RALGPS2: variants seen among roughly 807,000 people sequenced by gnomAD.
RALGPS2 encodes ras-specific guanine nucleotide-releasing factor RalGPS2.
RALGPS2 carries 43 observed loss-of-function variants against 86.8 expected under a neutral mutation model. The observed-to-expected ratio is 0.50, with a 90% CI of 0.39 to 0.64. The LOEUF is 0.64. Ranked by LOEUF, RALGPS2 falls within the 30% of genes least tolerant of loss-of-function variation. The pLI is 0.00. For synonymous variants in RALGPS2, 243 were observed against 231.3 expected, an observed-to-expected ratio of 1.05 and a Z score of -0.46; for missense variants, 536 against 694.6, an observed-to-expected ratio of 0.77 and a Z score of 2.57.
Position 178,893,960 on chromosome 1 carries a change from G to A in RALGPS2, c.1367G>A (p.Gly456Glu), listed in dbSNP as rs1558174987. Residue 456 changes from glycine to glutamate, a missense_variant, in exon 16 of 20, where the codon GGA (glycine) becomes GAA (glutamate). By Grantham distance (98) the Gly-to-Glu change is moderately conservative (BLOSUM62 -2). Coordinates refer to ENST00000367635, the MANE Select transcript of RALGPS2 (RefSeq NM_152663.5). ...GATTTGGCAGTACATTTATATCCAG[G>A]AGCTGTTACTATTCAAGGTGTTCTC... is the stretch of plus-strand genomic sequence containing the variant. ...SEDLAVHLYP[G>E]AVTIQGVLRR... 1 of 1,609,104 alleles carries A rather than the reference G, an allele frequency of 6.2e-7. No homozygotes were observed. Among genetic ancestry groups the A allele is most frequent in the Non-Finnish European group, 8.5e-7 (1 of 1,177,054 alleles).
intron 7 of RALGPS2, among the ~76,000 whole-genome samples, chr1:178,832,087 T>C (rs1656049012): frequency 6.6e-6 from 1 of 152,242 alleles, no homozygotes; most frequent in Admixed American, 6.5e-5. Context: ...CATATCCAGA[T>C]ACTTCCTTAA....
chr1:178,743,939 G>T (rs1340832392), intron 1 of RALGPS2, among the ~76,000 whole-genome samples: 1 of 152,062 alleles, frequency 6.6e-6, no homozygotes, highest in Non-Finnish European at 1.5e-5. Flanking sequence ...GTTTAAGGAA[G>T]AATTAAGACC....
At chr1:178,844,495 C>G (rs1656772574) in intron 8 of RALGPS2, among the ~76,000 whole-genome samples, 1 of 152,120 alleles carries the variant, frequency 6.6e-6, no homozygotes, top group South Asian at 2.1e-4. Context: ...CTCATCATCC[C>G]TTGAAAAATT....
At chr1:178,770,990 C>T (rs1305437404) in intron 1 of RALGPS2, among the ~76,000 whole-genome samples, 1 of 151,654 alleles carries the variant, frequency 6.6e-6, no homozygotes, top group African/African-American at 2.4e-5. Flanking sequence ...AGGCGCCGGC[C>T]ACCACGCCCA....
rs185388782 is a variant in RALGPS2 at position 178,889,755 on chromosome 1, T to C, written c.1247+59T>C. The stretch of plus-strand genomic sequence containing the variant: ...TTTATTTTGTCTGGGTTAAATAATA[T>C]AATACAAATTTTCAGAGATAATATT... On this transcript the variant is annotated intron_variant, in intron 14 of 19. Coordinates refer to ENST00000367635, the MANE Select transcript of RALGPS2 (RefSeq NM_152663.5). 8.7e-4 allele frequency: 1,071 copies of C among 1,225,626 alleles called. 8 individuals are homozygous for C. The highest frequency in any genetic ancestry group is 2.9e-4 in the Admixed American group (14 of 48,370). 75.9% of individuals were successfully genotyped at this position (1,225,626 alleles called of 1,614,324 possible). A position where few individuals can be genotyped will look rare whatever the true frequency, so the allele number is the denominator to read the frequency against.
intron 1 of RALGPS2, among the ~76,000 whole-genome samples, chr1:178,746,239 C>T (rs1213647279): frequency 6.6e-6 from 1 of 152,144 alleles, no homozygotes; most frequent in East Asian, 1.9e-4. Context: ...ACTCTCAACA[C>T]CAACAATCCA....
intron 4 of RALGPS2, among the ~76,000 whole-genome samples, chr1:178,795,440 T>A (rs1199100360): frequency 6.6e-6 from 1 of 152,100 alleles, no homozygotes; most frequent in East Asian, 1.9e-4. Flanking sequence ...TGAGACAAAG[T>A]CTTACTCTGT....
intron 6 of RALGPS2, among the ~76,000 whole-genome samples, chr1:178,818,984 CTTTTTCTTTTTTT>C (rs1410808821): frequency 1.5e-5 from 2 of 136,586 alleles, no homozygotes; most frequent in African/African-American, 5.9e-5. Context: ...TGTTGTTTTT[CTTTTTCTTTTTTT>C]TTTTTTTTTG....
At chr1:178,874,407 G>C (rs1345890674) in intron 8 of RALGPS2, among the ~76,000 whole-genome samples, 2 of 152,126 alleles carry the variant, frequency 1.3e-5, no homozygotes, top group East Asian at 3.9e-4. Context: ...GTAGTCACAT[G>C]TGGCAAGTGG....
rs553763417 is a variant in RALGPS2, at chr1:178,839,630, T to C, written c.607+6080T>C. The stretch of plus-strand genomic sequence containing the variant: ...TAATGAGCAAAATAACCAGCGAACA[T>C]CATAATGACAGGATCAAATTCACAC... On this transcript the variant is annotated intron_variant, in intron 8 of 19. Transcript: ENST00000367635. Among the ~76,000 whole-genome samples the C allele has an allele frequency of 1.1e-4, 16 of 152,226 alleles. 2 individuals are homozygous for C. The South Asian group carries it at 3.3e-3, about 32-fold the overall frequency.
chr1:178,886,225 A>G (rs554275871), intron 13 of RALGPS2, 105 bp downstream of exon 13: 2 of 1,202,740 alleles, frequency 1.7e-6, no homozygotes, highest in Admixed American at 5.3e-5. Context: ...AAATTTGGTT[A>G]AAAAAACAAA....
intron 1 of RALGPS2, among the ~76,000 whole-genome samples, chr1:178,769,098 C>G (rs895881023): frequency 6.6e-6 from 1 of 151,612 alleles, no homozygotes; most frequent in Non-Finnish European, 1.5e-5. Context: ...TGGGGCTGTT[C>G]AGGCTACCAA....
chr1:178,865,134 G>C, intron 8 of RALGPS2: 1 of 1,594,136 alleles, frequency 6.3e-7, no homozygotes, highest in Non-Finnish European at 8.6e-7. Context: ...ACCTGGACAA[G>C]TGGGGGAGAC....
rs778765817 is a variant in RALGPS2 at position 178,892,213 on chromosome 1, A to G, written c.1248-17A>G. The G allele has an allele frequency of 1.9e-6, 3 of 1,605,292 alleles. No individual in the cohort carries two copies. Among genetic ancestry groups the G allele is most frequent in the South Asian group, 2.2e-5 (2 of 90,882 alleles). On this transcript the variant is annotated splice_polypyrimidine_tract_variant and intron_variant, in intron 14 of 19. Coordinates refer to ENST00000367635, the MANE Select transcript of RALGPS2 (RefSeq NM_152663.5). ...AAAGTATATGTAATATATACAATTT[A>G]TAATGGAATCCAACAGGAACAGATT...
At chr1:178,815,890 T>A (rs1220393047) in intron 6 of RALGPS2, among the ~76,000 whole-genome samples, 1 of 152,254 alleles carries the variant, frequency 6.6e-6, no homozygotes, top group Non-Finnish European at 1.5e-5. Context: ...CACCATGTTG[T>A]TGAGATTCAT....
chr1:178,815,839 A>G (rs1298247470), intron 6 of RALGPS2, among the ~76,000 whole-genome samples: 2 of 152,194 alleles, frequency 1.3e-5, no homozygotes, highest in East Asian at 3.9e-4. Context: ...TGTAAGTGGG[A>G]TCCTACAGAA....
intron 1 of RALGPS2, among the ~76,000 whole-genome samples, chr1:178,737,647 C>T (rs564335196): frequency 6.6e-6 from 1 of 152,226 alleles, no homozygotes; most frequent in Non-Finnish European, 1.5e-5. Flanking sequence ...TAAAATTCAC[C>T]TATGTTTACT....
rs546913290 is a variant in RALGPS2 at position 178,854,564 on chromosome 1, A to G, written c.607+21014A>G. On this transcript the variant is annotated intron_variant, in intron 8 of 19. Transcript: ENST00000367635. The stretch of plus-strand genomic sequence containing the variant: ...GGAATGTTAGCATAAATGAGTATCT[A>G]AAGAGTTGTATCAATCTGTATGACT... 3.9e-5 allele frequency among the ~76,000 whole-genome samples: 6 copies of G among 152,268 alleles called. No individual in the cohort carries two copies. In the South Asian group the frequency reaches 1.2e-3, roughly 32 times the overall value.
intron 7 of RALGPS2, among the ~76,000 whole-genome samples, chr1:178,828,645 C>T (rs528395284): frequency 6.6e-6 from 1 of 152,272 alleles, no homozygotes; most frequent in South Asian, 2.1e-4. Context: ...AAAACATACA[C>T]AAGTCCCACA....
Sources: gnomAD v4.1 joint callset for allele counts (sites outside exome capture counted in the v4.1 genomes callset) on GRCh38, gnomAD v4.1.1 for gene constraint, MANE v1.5 for transcripts, NCBI Gene and HGNC (gene_info 2026-07-23, HGNC 2026-07-21) for gene names.